C1GALT1: variants seen among roughly 807,000 people sequenced by gnomAD.
C1GALT1 encodes the protein glycoprotein-N-acetylgalactosamine 3-beta-galactosyltransferase 1.
A neutral mutation model predicts 31.0 loss-of-function variants in C1GALT1; 11 were observed. The observed-to-expected ratio is 0.36, with a 90% CI of 0.22 to 0.59. The LOEUF (loss-of-function observed/expected upper bound fraction) is 0.59, where lower values mean the gene tolerates loss of function less well. C1GALT1 is among the 20% of genes least tolerant of loss of function. C1GALT1 has a pLI of 0.79. For missense variants in C1GALT1, 424 were observed against 425.2 expected, an observed-to-expected ratio of 1.00 and a Z score of 0.03; for synonymous variants, 175 against 143.6, an observed-to-expected ratio of 1.22 and a Z score of -1.56.
intron 1 of C1GALT1, among the ~76,000 whole-genome samples, chr7:7,198,931 C>G (rs1781415535): frequency 6.6e-6 from 1 of 152,042 alleles, no homozygotes; most frequent in Non-Finnish European, 1.5e-5. Context: ...CTCTTTTCTT[C>G]TCTATTAGTC....
At position 7,174,641 on chromosome 7, in the gene C1GALT1, T is replaced by A. The variant is rs542545396; in HGVS notation, c.-18+17215T>A. Among the ~76,000 whole-genome samples, 5 of 152,206 alleles carry A rather than the reference T, an allele frequency of 3.3e-5. No individual in the cohort carries two copies. In the East Asian group the frequency reaches 9.7e-4, roughly 29 times the overall value. Reference sequence around the variant, plus strand: ...ATTCCAACAACAAATGAAAATTTCTTCATTCTTTTTCCTTTCTGCTCCTCA... The same window carrying A: ...ATTCCAACAACAAATGAAAATTTCTACATTCTTTTTCCTTTCTGCTCCTCA... On this transcript the variant is annotated intron_variant, in intron 2 of 3. Transcript: ENST00000429911.
chr7:7,198,890 T>G (rs1447754448), intron 1 of C1GALT1, among the ~76,000 whole-genome samples: 1 of 152,216 alleles, frequency 6.6e-6, no homozygotes, highest in Non-Finnish European at 1.5e-5. Context: ...ATGCCCTTTA[T>G]CATTTTTTAT....
At chr7:7,164,092 C>T (rs887755157) in intron 2 of C1GALT1, among the ~76,000 whole-genome samples, 18 of 152,148 alleles carry the variant, frequency 1.2e-4, no homozygotes, top group African/African-American at 4.1e-4. Context: ...GTGACCAAAA[C>T]AGCATGGTAC....
intron 2 of C1GALT1, among the ~76,000 whole-genome samples, chr7:7,173,184 T>G (rs1780472557): frequency 6.6e-6 from 1 of 152,080 alleles, no homozygotes; most frequent in Non-Finnish European, 1.5e-5. Flanking sequence ...ATCCCCTTGG[T>G]AATAAGTGAG....
At chr7:7,170,382 C>T (rs1780440617) in intron 2 of C1GALT1, among the ~76,000 whole-genome samples, 1 of 152,100 alleles carries the variant, frequency 6.6e-6, no homozygotes, top group African/African-American at 2.4e-5. Flanking sequence ...CATTGGTTAT[C>T]TTTTGTCTTT....
intron 1 of C1GALT1, among the ~76,000 whole-genome samples, chr7:7,232,731 C>A (rs372792008): frequency 3.3e-5 from 5 of 152,262 alleles, no homozygotes; most frequent in African/African-American, 1.2e-4. Context: ...CTCAGGTGAT[C>A]CACCCGCCTT....
chr7:7,230,338 T>C (rs576270981), intron 1 of C1GALT1, among the ~76,000 whole-genome samples: 1 of 152,344 alleles, frequency 6.6e-6, no homozygotes, highest in African/African-American at 2.4e-5. Context: ...GAACAAGCCA[T>C]GTAACTACTA....
At position 7,248,574 on chromosome 7, in the gene C1GALT1, CA is replaced by C. The variant is rs1783937219; in HGVS notation, c.*4848del. 2 of 151,922 alleles carry C rather than the reference CA, an allele frequency of 1.3e-5. No homozygotes were observed. The highest frequency in any genetic ancestry group is 2.9e-5 in the Non-Finnish European group (2 of 67,858). 9.4% of individuals were successfully genotyped at this position (151,922 alleles called of 1,614,324 possible). On this transcript the variant is annotated 3_prime_UTR_variant, in exon 4 of 4. Coordinates refer to ENST00000436587, the MANE Select transcript of C1GALT1 (RefSeq NM_020156.5). ...GAAGTGCCTTTTGAACATTTTTAAA[CA>C]GCGGATTTAAATAATGCATAAAATA...
At chr7:7,224,365 G>C (rs1300136096) in intron 1 of C1GALT1, among the ~76,000 whole-genome samples, 1 of 148,078 alleles carries the variant, frequency 6.8e-6, no homozygotes, top group African/African-American at 2.5e-5. Context: ...TTTTGGAGGA[G>C]ATTGTACAAA....
intron 1 of C1GALT1, among the ~76,000 whole-genome samples, chr7:7,207,990 A>C (rs1043853685): frequency 6.6e-6 from 1 of 152,224 alleles, no homozygotes; most frequent in African/African-American, 2.4e-5. Flanking sequence ...GGAAAACTTC[A>C]GAAATAAACA....
intron 1 of C1GALT1, among the ~76,000 whole-genome samples, chr7:7,229,651 C>T (rs1161128597): frequency 6.6e-6 from 1 of 152,008 alleles, no homozygotes; most frequent in Non-Finnish European, 1.5e-5. Context: ...CTCAGACAAT[C>T]GAGATATTTA....
chr7:7,186,103 G>A (rs569356645), intron 1 of C1GALT1, among the ~76,000 whole-genome samples: 56 of 152,216 alleles, frequency 3.7e-4, no homozygotes, highest in African/African-American at 1.2e-3. Flanking sequence ...GATAGCACAG[G>A]GCACCACATG....
intron 1 of C1GALT1, among the ~76,000 whole-genome samples, chr7:7,220,088 T>G (rs749387986): frequency 1.3e-5 from 2 of 152,310 alleles, no homozygotes; most frequent in Non-Finnish European, 2.9e-5. Context: ...TTTTCTTAGA[T>G]TAAGAGTTGA....
intron 1 of C1GALT1, among the ~76,000 whole-genome samples, chr7:7,216,699 C>G (rs1782260550): frequency 1.3e-5 from 2 of 152,168 alleles, no homozygotes; most frequent in African/African-American, 4.8e-5. Flanking sequence ...GAATAGATGC[C>G]TTAAAAGAAC....
Position 7,243,805 on chromosome 7 carries a change from A to G in C1GALT1, c.*78A>G. On this transcript the variant is annotated 3_prime_UTR_variant, in exon 4 of 4. Transcript: ENST00000436587. ...GACTTCTGCATTTCTGACATAGAAC[A>G]CTGGAATCCCAGTGAGGAATTCTAA... The G allele has an allele frequency of 9.4e-7, 1 of 1,064,308 alleles. No individual in the cohort carries two copies. The highest frequency in any genetic ancestry group is 1.6e-5 in the African/African-American group (1 of 62,876). The allele number at this position is 1,064,308 out of a possible 1,614,324, so 65.9% of individuals were successfully genotyped here.
intron 1 of C1GALT1, among the ~76,000 whole-genome samples, chr7:7,223,321 G>T (rs1006496717): frequency 1.3e-5 from 2 of 152,094 alleles, no homozygotes; most frequent in African/African-American, 4.8e-5. Flanking sequence ...ATCAAGCCCA[G>T]CTAATTTTTA....
chr7:7,178,298 G>C (rs144220635), upstream of C1GALT1: 20 of 230,608 alleles, frequency 8.7e-5, no homozygotes, highest in Non-Finnish European at 1.6e-4. Context: ...GGCATCTGTA[G>C]CTAAACATGC....
Position 7,240,162 on chromosome 7 carries a change from G to C in C1GALT1, c.888+1240G>C, listed in dbSNP as rs536891319. Among the ~76,000 whole-genome samples the C allele has an allele frequency of 6.0e-4, 92 of 152,310 alleles. 2 individuals carry two copies. The South Asian group carries it at 0.011, about 19-fold the overall frequency. On this transcript the variant is annotated intron_variant, in intron 3 of 3. Coordinates refer to ENST00000436587, the MANE Select transcript of C1GALT1 (RefSeq NM_020156.5). The stretch of plus-strand genomic sequence containing the variant: ...GCAATTTTGCCCCCAGAGGACATTT[G>C]GCAAGGTCTGGAGACATTTTTGGTT...
At chr7:7,193,586 A>G (rs1286694161) in intron 1 of C1GALT1, among the ~76,000 whole-genome samples, 1 of 152,078 alleles carries the variant, frequency 6.6e-6, no homozygotes, top group African/African-American at 2.4e-5. Context: ...AAGTCGGGTA[A>G]TGTGATACAT....
Sources: allele counts gnomAD v4.1 joint callset (sites outside exome capture counted in the v4.1 genomes callset), GRCh38; gene constraint gnomAD v4.1.1; transcripts MANE v1.5; gene names NCBI Gene and HGNC (gene_info 2026-07-23, HGNC 2026-07-21).